Variants in MINDY3 observed in about 807,000 individuals in gnomAD.
The protein encoded by MINDY3 is MINDY lysine 48 deubiquitinase 3.
A neutral mutation model predicts 69.2 loss-of-function variants in MINDY3; 38 were observed. That is an observed-to-expected ratio of 0.55 (90% CI 0.42 to 0.72). MINDY3 has a LOEUF of 0.72. MINDY3 is among the 30% of genes least tolerant of loss of function. The pLI is 0.00. For missense variants in MINDY3, 522 were observed against 519.0 expected (o/e 1.01, Z -0.06); for synonymous variants, 192 against 180.1 (o/e 1.07, Z -0.53).
intron 8 of MINDY3, among the ~76,000 whole-genome samples, chr10:15,824,483 A>G (rs1839963242): frequency 6.6e-6 from 1 of 152,192 alleles, no homozygotes; most frequent in Non-Finnish European, 1.5e-5. Flanking sequence ...ATCATCCGTA[A>G]GAGTGTAAAG....
intron 3 of MINDY3, among the ~76,000 whole-genome samples, chr10:15,842,488 G>T (rs142283264): frequency 5.9e-5 from 9 of 151,774 alleles, no homozygotes; most frequent in African/African-American, 1.4e-4. Flanking sequence ...AATTTGTTTT[G>T]TATTTCACCT....
At chr10:15,804,670 C>G (rs1838507314) in intron 10 of MINDY3, among the ~76,000 whole-genome samples, 1 of 152,098 alleles carries the variant, frequency 6.6e-6, no homozygotes, top group African/African-American at 2.4e-5. Flanking sequence ...TATAATTTAC[C>G]TTTAAGCAAA....
intron 9 of MINDY3, chr10:15,817,686 A>G (rs1839470187): frequency 6.6e-6 from 1 of 152,232 alleles, no homozygotes; most frequent in South Asian, 2.1e-4. Context: ...TTTAACTTAA[A>G]AATGACGAAT....
At chr10:15,817,359 T>C (rs1364639735) in intron 9 of MINDY3, 1 of 153,498 alleles carries the variant, frequency 6.5e-6, no homozygotes, top group Non-Finnish European at 1.4e-5. Flanking sequence ...AGAACATCTT[T>C]GCTCCCAAAT....
chr10:15,806,042 T>A (rs1335866800), intron 10 of MINDY3, among the ~76,000 whole-genome samples: 3 of 152,210 alleles, frequency 2.0e-5, no homozygotes, highest in South Asian at 4.1e-4. Flanking sequence ...AGTCACACAC[T>A]CCTCCTACCC....
At chr10:15,855,916 G>C (rs1188954555) in intron 1 of MINDY3, among the ~76,000 whole-genome samples, 1 of 152,018 alleles carries the variant, frequency 6.6e-6, no homozygotes, top group East Asian at 1.9e-4. Flanking sequence ...ATACTTTCAA[G>C]TATTTGAATA....
rs1165466002 is a variant in MINDY3, at chr10:15,778,698, C to G, written c.*294G>C. 1.6e-5 allele frequency: 4 copies of G among 248,500 alleles called. No homozygotes were observed. 15.4% of individuals were successfully genotyped at this position (248,500 alleles called of 1,614,324 possible). Reference sequence around the variant, plus strand: ...TTAATATACAAATGCTGTAGTATTGCGTTTGTAATTTGGTAAGTAAATGAC... The same window carrying G: ...TTAATATACAAATGCTGTAGTATTGGGTTTGTAATTTGGTAAGTAAATGAC... On this transcript the variant is annotated 3_prime_UTR_variant, in exon 15 of 15. Transcript: ENST00000277632.
In MINDY3 at chr10:15,778,702, T is replaced by A; in HGVS notation, c.*290A>T. ...TATACAAATGCTGTAGTATTGCGTTTGTAATTTGGTAAGTAAATGACCAAG... is the reference window on the plus strand; with the variant it reads ...TATACAAATGCTGTAGTATTGCGTTAGTAATTTGGTAAGTAAATGACCAAG... On this transcript the variant is annotated 3_prime_UTR_variant, in exon 15 of 15. Coordinates refer to ENST00000277632, the MANE Select transcript of MINDY3 (RefSeq NM_024948.4). The A allele has an allele frequency of 3.9e-6, 1 of 259,118 alleles. No individual in the cohort carries two copies. The highest frequency in any genetic ancestry group is 7.4e-6 in the Non-Finnish European group (1 of 135,516). 16.1% of individuals were successfully genotyped at this position (259,118 alleles called of 1,614,324 possible). A position where few individuals can be genotyped will look rare whatever the true frequency, so the allele number is the denominator to read the frequency against.
chr10:15,806,136 A>G (rs1350502405), intron 10 of MINDY3, among the ~76,000 whole-genome samples: 1 of 152,110 alleles, frequency 6.6e-6, no homozygotes, highest in Non-Finnish European at 1.5e-5. Context: ...TTACTGCAGC[A>G]AGCTGGCAAA....
chr10:15,853,572 T>C (rs1330662243), intron 1 of MINDY3, among the ~76,000 whole-genome samples: 1 of 152,114 alleles, frequency 6.6e-6, no homozygotes, highest in Non-Finnish European at 1.5e-5. Context: ...CTAATTTTAT[T>C]GTATCTTGAT....
chr10:15,816,282 G>GAAAAAAAA (rs1421619763), intron 10 of MINDY3, among the ~76,000 whole-genome samples: 10 of 108,492 alleles, frequency 9.2e-5, no homozygotes, highest in African/African-American at 5.6e-4. Flanking sequence ...AAAAAAAAAT[G>GAAAAAAAA]AAAAAGAAAA....
intron 5 of MINDY3, 138 bp downstream of exon 5, chr10:15,838,090 C>G: frequency 1.6e-6 from 2 of 1,282,172 alleles, no homozygotes; most frequent in Non-Finnish European, 2.0e-6. Context: ...GCAAATTAAT[C>G]CTGAAGCAAT....
At chr10:15,796,243 G>C (rs928710532) in intron 10 of MINDY3, 71 bp from the exon 11 acceptor site, 2 of 1,175,168 alleles carry the variant, frequency 1.7e-6, no homozygotes, top group African/African-American at 3.0e-5. Flanking sequence ...AGATACTAGG[G>C]TAGGCAGACA....
chr10:15,820,729 C>G (rs76749489), intron 9 of MINDY3, among the ~76,000 whole-genome samples: 6 of 152,206 alleles, frequency 3.9e-5, no homozygotes, highest in East Asian at 3.9e-4. Flanking sequence ...CGCTGTCTGA[C>G]GAAAAAGAGG....
At position 15,796,704 on chromosome 10, in the gene MINDY3, AT is replaced by A. The variant is rs536114336; in HGVS notation, c.883-533del. ...CTCAATCAACTTCTACATGTCCAGAATTTTAATTTTTCTGAACTCAAAGGAA... is the reference window on the plus strand; with the variant it reads ...CTCAATCAACTTCTACATGTCCAGAATTTAATTTTTCTGAACTCAAAGGAA... On this transcript the variant is annotated intron_variant, in intron 10 of 14. Transcript: ENST00000277632. 2.1e-3 allele frequency among the ~76,000 whole-genome samples: 325 copies of A among 152,106 alleles called. 2 individuals carry two copies. Among genetic ancestry groups the A allele is most frequent in the African/African-American group, 6.5e-3 (271 of 41,552 alleles).
chr10:15,795,056 C>T (rs753493734), intron 11 of MINDY3, among the ~76,000 whole-genome samples: 3 of 151,990 alleles, frequency 2.0e-5, no homozygotes, highest in Non-Finnish European at 4.4e-5. Context: ...CACAACACAA[C>T]ACATAACGAT....
chr10:15,845,939 C>T (rs1265452755), intron 2 of MINDY3, among the ~76,000 whole-genome samples: 1 of 146,214 alleles, frequency 6.8e-6, no homozygotes, highest in Non-Finnish European at 1.5e-5. Flanking sequence ...TCTCCTGCAT[C>T]AGTTTCCCGA....
At chr10:15,840,025 A>G (rs1421180210) in intron 4 of MINDY3, among the ~76,000 whole-genome samples, 1 of 151,734 alleles carries the variant, frequency 6.6e-6, no homozygotes, top group Non-Finnish European at 1.5e-5. Context: ...TGCACTCAGT[A>G]TACTGTTAAG....
At position 15,789,257 on chromosome 10, in the gene MINDY3, C is replaced by CTTT; in HGVS notation, c.1017_1018insAAA (p.Ser339_Asp340insLys). The CTTT allele has an allele frequency of 6.2e-7, 1 of 1,610,296 alleles. No homozygotes were observed. Among genetic ancestry groups the CTTT allele is most frequent in the Non-Finnish European group, 8.5e-7 (1 of 1,177,360 alleles). On this transcript the variant is annotated inframe_insertion, in exon 12 of 15. Coordinates refer to ENST00000277632, the MANE Select transcript of MINDY3 (RefSeq NM_024948.4). ...TCCTATTTAGCTTACTATTCAGGAT[C>CTTT]TGAAACAAGGTCCAATGCTTTCATC...
Sources: gnomAD v4.1 joint callset for allele counts (sites outside exome capture counted in the v4.1 genomes callset) on GRCh38, gnomAD v4.1.1 for gene constraint, MANE v1.5 for transcripts, NCBI Gene and HGNC (gene_info 2026-07-23, HGNC 2026-07-21) for gene names.